Variants in TECRL observed in about 807,000 individuals in gnomAD.
TECRL encodes trans-2,3-enoyl-CoA reductase-like.
In TECRL, 63 loss-of-function variants were observed where a neutral mutation model predicts 52.8. The ratio of observed to expected loss-of-function variants is 1.19; its 90% CI spans 0.97 to 1.47. The LOEUF (loss-of-function observed/expected upper bound fraction) is 1.47, where lower values mean the gene tolerates loss of function less well. Ranked by LOEUF, TECRL falls within the 40% of genes most tolerant of loss-of-function variation. The probability of loss-of-function intolerance (pLI) is 0.00; values close to 1 mark genes in which losing one functional copy is unlikely to be tolerated. For synonymous variants in TECRL, 164 were observed against 141.9 expected, an observed-to-expected ratio of 1.16 and a Z score of -1.10; for missense variants, 482 against 429.6, an observed-to-expected ratio of 1.12 and a Z score of -1.08.
At chr4:64,321,049 C>G (rs1470270556) in intron 4 of TECRL, among the ~76,000 whole-genome samples, 1 of 152,022 alleles carries the variant, frequency 6.6e-6, no homozygotes, top group African/African-American at 2.4e-5. Flanking sequence ...GTACTGCAAA[C>G]ACGACCATAG....
intron 1 of TECRL, among the ~76,000 whole-genome samples, chr4:64,396,644 C>T (rs879421111): frequency 9.2e-5 from 14 of 152,082 alleles, no homozygotes; most frequent in Non-Finnish European, 2.1e-4. Context: ...CCGTAAGGGA[C>T]CTCTTTAATT....
At chr4:64,341,556 G>A (rs994287433) in intron 2 of TECRL, among the ~76,000 whole-genome samples, 1 of 152,056 alleles carries the variant, frequency 6.6e-6, no homozygotes, top group Non-Finnish European at 1.5e-5. Flanking sequence ...AGTGAGCTGA[G>A]ATCACATCAT....
intron 9 of TECRL, among the ~76,000 whole-genome samples, chr4:64,283,706 G>C (rs1252636783): frequency 6.6e-6 from 1 of 152,014 alleles, no homozygotes; most frequent in Non-Finnish European, 1.5e-5. Context: ...AACTGCAAAA[G>C]TAGTCAAACT....
intron 1 of TECRL, among the ~76,000 whole-genome samples, chr4:64,376,282 T>G (rs897985994): frequency 6.6e-6 from 1 of 151,966 alleles, no homozygotes; most frequent in African/African-American, 2.4e-5. Context: ...GTATATGATT[T>G]ACTAAATAAG....
intron 8 of TECRL, among the ~76,000 whole-genome samples, chr4:64,298,682 G>A (rs1723829722): frequency 6.6e-6 from 1 of 150,880 alleles, no homozygotes; most frequent in Admixed American, 6.6e-5. Flanking sequence ...TAATTACACA[G>A]AAAAAAATTA....
intron 2 of TECRL, among the ~76,000 whole-genome samples, chr4:64,360,249 CCCACTTAATTTTTTTAAATGTCAGATAG>C (rs1326424027): frequency 8.5e-5 from 3 of 35,280 alleles, no homozygotes; most frequent in Non-Finnish European, 2.7e-4. Flanking sequence ...GTGGGAGATA[CCCACTTAATTTTTTTAAATGTCAGATAG>C]TCACTTGAGG....
chr4:64,295,549 A>G (rs1723632730), intron 8 of TECRL, among the ~76,000 whole-genome samples: 1 of 151,534 alleles, frequency 6.6e-6, no homozygotes, highest in South Asian at 2.1e-4. Flanking sequence ...AAAAATATGA[A>G]AATATAGCAT....
intron 1 of TECRL, among the ~76,000 whole-genome samples, chr4:64,404,519 G>A (rs958936135): frequency 1.3e-5 from 2 of 151,990 alleles, no homozygotes; most frequent in East Asian, 3.9e-4. Context: ...ACTTGAAAAT[G>A]GTATTTAACA....
At chr4:64,365,697 G>T (rs897567256) in intron 2 of TECRL, among the ~76,000 whole-genome samples, 4 of 151,708 alleles carry the variant, frequency 2.6e-5, no homozygotes, top group African/African-American at 9.7e-5. Flanking sequence ...TCTACAATAA[G>T]AATTACAAAA....
At chr4:64,360,815 G>A (rs145427260) in intron 2 of TECRL, among the ~76,000 whole-genome samples, 2,092 of 152,226 alleles carry the variant, frequency 0.014, 59 homozygotes, top group African/African-American at 0.047. Context: ...GAATCCCAGC[G>A]GTGAGAGACT....
intron 2 of TECRL, among the ~76,000 whole-genome samples, chr4:64,371,932 G>T (rs189282745): frequency 6.6e-6 from 1 of 151,800 alleles, no homozygotes; most frequent in Admixed American, 6.6e-5. Context: ...GATAGAAATA[G>T]AGTGGTATTA....
At chr4:64,340,934 G>T (rs1719525715) in intron 2 of TECRL, among the ~76,000 whole-genome samples, 1 of 152,156 alleles carries the variant, frequency 6.6e-6, no homozygotes, top group Non-Finnish European at 1.5e-5. Context: ...CTGCAGAGAG[G>T]AACAACCCAC....
At chr4:64,392,061 T>C (rs919927862) in intron 1 of TECRL, among the ~76,000 whole-genome samples, 3 of 151,942 alleles carry the variant, frequency 2.0e-5, no homozygotes, top group Non-Finnish European at 2.9e-5. Context: ...ACAGATTAAC[T>C]GGTGTATCTG....
At chr4:64,386,226 G>T (rs1449630839) in intron 1 of TECRL, among the ~76,000 whole-genome samples, 1 of 151,944 alleles carries the variant, frequency 6.6e-6, no homozygotes, top group Admixed American at 6.6e-5. Flanking sequence ...CCATTATAAA[G>T]CATATAATAT....
chr4:64,305,324 G>A, intron 6 of TECRL, 86 bp from the exon 7 acceptor site: 1 of 1,184,116 alleles, frequency 8.4e-7, no homozygotes, highest in Non-Finnish European at 1.2e-6. Flanking sequence ...TTACATGCAT[G>A]TCACAATTTG....
intron 2 of TECRL, among the ~76,000 whole-genome samples, chr4:64,336,836 C>G (rs1409053851): frequency 2.0e-5 from 3 of 152,140 alleles, no homozygotes; most frequent in African/African-American, 2.4e-5. Flanking sequence ...GTTTCTTAAT[C>G]CTGAGTTCTA....
At chr4:64,364,926 T>A (rs1721488497) in intron 2 of TECRL, among the ~76,000 whole-genome samples, 1 of 151,902 alleles carries the variant, frequency 6.6e-6, no homozygotes, top group Admixed American at 6.6e-5. Context: ...ATTATTCCGA[T>A]ACCAAAATCT....
chr4:64,305,430 A>T (rs1278530330), intron 6 of TECRL, among the ~76,000 whole-genome samples, 192 bp from the exon 7 acceptor site: 1 of 152,154 alleles, frequency 6.6e-6, no homozygotes, highest in African/African-American at 2.4e-5. Context: ...ACTTTGCCCA[A>T]TGTAATAGTG....
intron 1 of TECRL, among the ~76,000 whole-genome samples, chr4:64,381,900 G>A (rs1001283372): frequency 1.3e-5 from 2 of 151,818 alleles, no homozygotes; most frequent in African/African-American, 4.8e-5. Context: ...TGTGTGGGGG[G>A]ATGTGTGCAT....
Sources: gnomAD v4.1 joint callset for allele counts (sites outside exome capture counted in the v4.1 genomes callset) on GRCh38, gnomAD v4.1.1 for gene constraint, MANE v1.5 for transcripts, NCBI Gene and HGNC (gene_info 2026-07-23, HGNC 2026-07-21) for gene names.